FAAH2: variants seen among roughly 807,000 people sequenced by gnomAD.
FAAH2 encodes fatty acid amide hydrolase 2.
In FAAH2, 60 loss-of-function variants were observed where a neutral mutation model predicts 36.9. The observed-to-expected ratio is 1.63, with a 90% CI of 1.32 to 2.02. The LOEUF is 2.02. Ranked by LOEUF, FAAH2 falls within the 30% of genes most tolerant of loss-of-function variation. The pLI is 0.00. For synonymous variants in FAAH2, 214 were observed against 143.8 expected (o/e 1.49, Z -3.49); for missense variants, 689 against 397.5 (o/e 1.73, Z -6.23).
At chrX:57,273,469 C>T in the FAAH2 span, among the ~76,000 whole-genome samples, 6 of 111,681 alleles carry the variant, frequency 5.4e-5, no homozygotes, top group Non-Finnish European at 7.5e-5. Context: ...TTCCTCTCAG[C>T]ACCACATAGC....
Position 57,470,005 on chromosome X carries a change from TAC to T in FAAH2, c.1424-18750_1424-18749del, listed in dbSNP as rs748179306. ...AACCTCCTCCTGAATGACTACTGGG[TAC>T]ATAATGAAATGAAGGCAGAAATAAA... On this transcript the variant is annotated intron_variant, in intron 10 of 10. Transcript: ENST00000374900. Among the ~76,000 whole-genome samples, 31 of 111,573 alleles carry T rather than the reference TAC, an allele frequency of 2.8e-4. No homozygotes were observed. In the South Asian group the frequency reaches 0.011, roughly 41 times the overall value.
At chrX:57,439,917 T>A (rs748636633) in intron 8 of FAAH2, among the ~76,000 whole-genome samples, 5 of 111,750 alleles carry the variant, frequency 4.5e-5, no homozygotes, top group African/African-American at 1.6e-4. Context: ...GTTGTAGATA[T>A]GTGGCATTAT....
chrX:57,177,083 C>T, the FAAH2 span, among the ~76,000 whole-genome samples: 1 of 111,092 alleles, frequency 9.0e-6, no homozygotes. Context: ...AGGAGCAATC[C>T]ACAAGGAAAA....
chrX:57,469,095 G>A (rs1001907951), intron 10 of FAAH2, among the ~76,000 whole-genome samples: 2 of 111,925 alleles, frequency 1.8e-5, no homozygotes, highest in Non-Finnish European at 3.8e-5. Flanking sequence ...GCTCCTGAAG[G>A]AAGCACTAAA....
the FAAH2 span, among the ~76,000 whole-genome samples, chrX:57,260,155 G>A: frequency 1.8e-5 from 2 of 111,498 alleles, no homozygotes; most frequent in African/African-American, 6.5e-5. Context: ...AAACGCAGTT[G>A]AAAAACTATT....
intron 8 of FAAH2, 31 bp downstream of exon 8, chrX:57,432,068 T>C: frequency 8.7e-7 from 1 of 1,155,186 alleles, no homozygotes; most frequent in South Asian, 1.9e-5. Context: ...ACTTACTTTT[T>C]TCTTTGTGTA....
At chrX:57,407,163 C>T (rs925431321) in intron 7 of FAAH2, among the ~76,000 whole-genome samples, 4 of 112,183 alleles carry the variant, frequency 3.6e-5, no homozygotes, top group Non-Finnish European at 7.5e-5. Flanking sequence ...TCTAGTGATC[C>T]TCTTATTTGT....
the FAAH2 span, among the ~76,000 whole-genome samples, chrX:57,147,519 AT>A: frequency 2.7e-5 from 3 of 110,246 alleles, no homozygotes; most frequent in Non-Finnish European, 5.7e-5. Flanking sequence ...TTTTTGTTTC[AT>A]TTTTCTTTTG....
chrX:57,205,085 G>T, the FAAH2 span, among the ~76,000 whole-genome samples: 1 of 112,318 alleles, frequency 8.9e-6, no homozygotes, highest in Non-Finnish European at 1.9e-5. Context: ...ACACATACCT[G>T]TACATAAGCT....
the FAAH2 span, among the ~76,000 whole-genome samples, chrX:57,257,811 A>G: frequency 9.0e-6 from 1 of 111,696 alleles, no homozygotes; most frequent in African/African-American, 3.3e-5. Context: ...GAGAGTGATT[A>G]AGGAAACTGA....
the FAAH2 span, among the ~76,000 whole-genome samples, chrX:57,233,782 G>A: frequency 3.5e-5 from 4 of 112,878 alleles, no homozygotes; most frequent in African/African-American, 1.3e-4. Context: ...TGAGATTACA[G>A]GCGTGCGCCA....
upstream of FAAH2, among the ~76,000 whole-genome samples, chrX:57,282,171 C>A (rs2051760834): frequency 1.8e-5 from 2 of 112,044 alleles, no homozygotes; most frequent in Non-Finnish European, 3.8e-5. Context: ...GTTGAACTAA[C>A]TTATATCGCC....
chrX:57,483,934 G>A (rs969961537), intron 10 of FAAH2, among the ~76,000 whole-genome samples: 5 of 109,046 alleles, frequency 4.6e-5, no homozygotes, highest in African/African-American at 1.7e-4. Flanking sequence ...CAAGTAGCTG[G>A]GATTACAGGC....
chrX:57,209,453 G>A, the FAAH2 span, among the ~76,000 whole-genome samples: 1 of 111,155 alleles, frequency 9.0e-6, no homozygotes, highest in Non-Finnish European at 1.9e-5. Context: ...TTTTTTATCA[G>A]GGAGTGTCTA....
the FAAH2 span, among the ~76,000 whole-genome samples, chrX:57,213,343 T>C: frequency 9.0e-6 from 1 of 111,620 alleles, no homozygotes; most frequent in African/African-American, 3.3e-5. Flanking sequence ...TCTACTTCGA[T>C]CTTTGTTATT....
intron 3 of FAAH2, among the ~76,000 whole-genome samples, chrX:57,322,542 C>A (rs2053061754): frequency 9.0e-6 from 1 of 111,410 alleles, no homozygotes; most frequent in Middle Eastern, 4.6e-3. Flanking sequence ...GAATGTTGGC[C>A]TCTCTGTCTA....
At chrX:57,404,130 G>T (rs2055507313) in intron 7 of FAAH2, among the ~76,000 whole-genome samples, 1 of 112,061 alleles carries the variant, frequency 8.9e-6, no homozygotes, top group Non-Finnish European at 1.9e-5. Flanking sequence ...AAGTCTACTG[G>T]TTATCAGTGG....
At chrX:57,456,733 T>C (rs2056870463) in intron 10 of FAAH2, among the ~76,000 whole-genome samples, 1 of 110,995 alleles carries the variant, frequency 9.0e-6, no homozygotes, top group Admixed American at 9.6e-5. Flanking sequence ...CCTTCCAAGA[T>C]AGAATCAGGG....
chrX:57,318,015 G>C, intron 3 of FAAH2, among the ~76,000 whole-genome samples: 1 of 111,843 alleles, frequency 8.9e-6, no homozygotes, highest in Non-Finnish European at 1.9e-5. Context: ...CTAAAGCAGT[G>C]TTTAGAGGGA....
Sources: gnomAD v4.1 joint callset for allele counts (sites outside exome capture counted in the v4.1 genomes callset) on GRCh38, gnomAD v4.1.1 for gene constraint, MANE v1.5 for transcripts, NCBI Gene and HGNC (gene_info 2026-07-23, HGNC 2026-07-21) for gene names.